HESX1: variants seen among roughly 807,000 people sequenced by gnomAD.
The protein encoded by HESX1 is HESX homeobox 1, also known as homeobox expressed in ES cells 1.
HESX1 carries 11 observed loss-of-function variants against 22.5 expected under a neutral mutation model. The observed-to-expected ratio is 0.49, with a 90% confidence interval of 0.31 to 0.81. The LOEUF (loss-of-function observed/expected upper bound fraction) is 0.81, where lower values mean the gene tolerates loss of function less well. Ranked by LOEUF, HESX1 falls within the 30% of genes least tolerant of loss-of-function variation. The probability of loss-of-function intolerance (pLI) is 0.05; values close to 1 mark genes in which losing one functional copy is unlikely to be tolerated. For synonymous variants in HESX1, 74 were observed against 76.5 expected (o/e 0.97, Z 0.17); for missense variants, 201 against 212.6 (o/e 0.95, Z 0.34).
chr3:57,205,692 T>C (rs1258923130), intron 1 of HESX1, among the ~76,000 whole-genome samples: 2 of 152,184 alleles, frequency 1.3e-5, no homozygotes, highest in South Asian at 2.1e-4. Flanking sequence ...TGCTCAAATA[T>C]CATCTTCTCA....
upstream of HESX1, among the ~76,000 whole-genome samples, chr3:57,200,715 C>G (rs1438197414): frequency 6.6e-6 from 1 of 152,184 alleles, no homozygotes; most frequent in Non-Finnish European, 1.5e-5. Flanking sequence ...TAATCACCTT[C>G]AAGCAACTTA....
chr3:57,220,888 C>T (rs1255401506), intron 1 of HESX1, among the ~76,000 whole-genome samples: 1 of 152,192 alleles, frequency 6.6e-6, no homozygotes, highest in African/African-American at 2.4e-5. Context: ...GCCTCCTCTC[C>T]CTTTCTTTAC....
At chr3:57,200,793 C>T (rs72875853), upstream of HESX1, among the ~76,000 whole-genome samples, 10,620 of 152,210 alleles carry the variant, frequency 0.07, 1,247 homozygotes, top group African/African-American at 0.24. Context: ...ACATAGTTTG[C>T]TTTCTAAAGA....
At chr3:57,221,934 A>G (rs896781643) in intron 1 of HESX1, among the ~76,000 whole-genome samples, 1 of 152,082 alleles carries the variant, frequency 6.6e-6, no homozygotes, top group Non-Finnish European at 1.5e-5. Flanking sequence ...ACTACTTACT[A>G]TGTTTATTTT....
chr3:57,208,892 C>T (rs1422532356), intron 1 of HESX1, among the ~76,000 whole-genome samples: 5 of 150,964 alleles, frequency 3.3e-5, no homozygotes, highest in East Asian at 2.0e-4. Context: ...ACTGGGGAGG[C>T]GAAGTTGCAG....
chr3:57,215,296 A>G (rs561858025), intron 1 of HESX1, among the ~76,000 whole-genome samples: 2 of 152,312 alleles, frequency 1.3e-5, no homozygotes, highest in African/African-American at 4.8e-5. Flanking sequence ...GGATTCTTCT[A>G]GGGAGGTACG....
chr3:57,208,283 TACTTA>T (rs796826686), intron 1 of HESX1, among the ~76,000 whole-genome samples: 151 of 152,304 alleles, frequency 9.9e-4, no homozygotes, highest in African/African-American at 3.2e-3. Context: ...CATAAACAAG[TACTTA>T]ACTTGTCAAT....
intron 1 of HESX1, among the ~76,000 whole-genome samples, chr3:57,206,279 C>T (rs566221704): frequency 2.1e-4 from 32 of 152,210 alleles, no homozygotes; most frequent in African/African-American, 7.2e-4. Flanking sequence ...GTGTTAATGC[C>T]GCTGAGAAGT....
At chr3:57,216,975 T>C (rs1304713270) in intron 1 of HESX1, among the ~76,000 whole-genome samples, 1 of 152,234 alleles carries the variant, frequency 6.6e-6, no homozygotes, top group Admixed American at 6.5e-5. Context: ...TTTATTATGA[T>C]GTTCAAATTT....
At chr3:57,220,933 T>C (rs1305334766) in intron 1 of HESX1, among the ~76,000 whole-genome samples, 2 of 152,190 alleles carry the variant, frequency 1.3e-5, no homozygotes, top group African/African-American at 4.8e-5. Flanking sequence ...TCTTCTCCTG[T>C]CATCTTGGGC....
intron 1 of HESX1, among the ~76,000 whole-genome samples, chr3:57,219,525 G>A (rs566931065): frequency 4.7e-4 from 71 of 151,974 alleles, no homozygotes; most frequent in Middle Eastern, 3.4e-3. Flanking sequence ...CCACCACCAC[G>A]CCTGGCTAAT....
chr3:57,201,924 T>TATCTATC (rs972989974), upstream of HESX1, among the ~76,000 whole-genome samples: 1 of 151,516 alleles, frequency 6.6e-6, no homozygotes, highest in African/African-American at 2.4e-5. Context: ...TCTATCTATC[T>TATCTATC]ATCTATTTTT....
At chr3:57,226,370 A>C (rs1205094511) in exon 1 of HESX1, 1 of 152,176 alleles carries the variant, frequency 6.6e-6, no homozygotes, top group Non-Finnish European at 1.5e-5. Context: ...ATATCAAGGA[A>C]AAAGAAACTG....
At chr3:57,212,009 G>C (rs545424590) in intron 1 of HESX1, among the ~76,000 whole-genome samples, 100 of 152,170 alleles carry the variant, frequency 6.6e-4, no homozygotes, top group African/African-American at 2.3e-3. Context: ...TACAGTCTTC[G>C]ATCTCCCCTG....
At position 57,219,356 on chromosome 3, in the gene HESX1, T is replaced by C. The variant is rs151025044; in HGVS notation, c.-111+6940A>G. ...ACATCTTCTGAAAAGTGTCTGTTCG[T>C]GTCCTTTGCCCACTTTTTCTTTTTT... On this transcript the variant is annotated intron_variant, in intron 1 of 2. Coordinates refer to the HESX1 transcript ENST00000495160. Among the ~76,000 whole-genome samples the C allele has an allele frequency of 7.6e-3, 1,150 of 152,236 alleles. 8 individuals are homozygous for C. The highest frequency in any genetic ancestry group is 0.017 in the South Asian group (82 of 4,826).
chr3:57,212,274 C>G (rs2060558789), intron 1 of HESX1, among the ~76,000 whole-genome samples: 1 of 151,984 alleles, frequency 6.6e-6, no homozygotes, highest in African/African-American at 2.4e-5. Context: ...AAGATTCATT[C>G]TATAGGCTGG....
At chr3:57,224,742 A>G (rs923538212) in intron 1 of HESX1, among the ~76,000 whole-genome samples, 2 of 152,230 alleles carry the variant, frequency 1.3e-5, no homozygotes, top group African/African-American at 4.8e-5. Context: ...ATTCTTTCCT[A>G]TTACAGATCA....
rs888681297 is a variant in HESX1, at chr3:57,212,654, G to A, written c.-110-12626C>T. Reference sequence around the variant, plus strand: ...AGATTCATTCTATACAACAGTACATGGAGAAAAATATGATAGTCTCCTTTA... The same window carrying A: ...AGATTCATTCTATACAACAGTACATAGAGAAAAATATGATAGTCTCCTTTA... On this transcript the variant is annotated intron_variant, in intron 1 of 2. Transcript: ENST00000495160. Among the ~76,000 whole-genome samples the A allele has an allele frequency of 5.9e-4, 89 of 151,750 alleles. 1 individual carries two copies. The highest frequency in any genetic ancestry group is 3.1e-4 in the Non-Finnish European group (21 of 67,994).
intron 1 of HESX1, among the ~76,000 whole-genome samples, chr3:57,210,011 T>C (rs1410816178): frequency 2.0e-5 from 3 of 152,202 alleles, no homozygotes; most frequent in Non-Finnish European, 1.5e-5. Flanking sequence ...ATTTTCTGTC[T>C]CCAAATCCTG....
Sources: allele counts gnomAD v4.1 joint callset (sites outside exome capture counted in the v4.1 genomes callset), GRCh38; gene constraint gnomAD v4.1.1; transcripts MANE v1.5; gene names NCBI Gene and HGNC (gene_info 2026-07-23, HGNC 2026-07-21).